PCDHGB5: variants seen among roughly 807,000 people sequenced by gnomAD.
PCDHGB5 encodes the protein protocadherin gamma-B5.
Under a neutral mutation model 62.9 loss-of-function variants are expected in PCDHGB5, and 48 were observed. That is an observed-to-expected ratio of 0.76 (90% CI 0.61 to 0.97). The LOEUF is 0.97. PCDHGB5 is among the 50% of genes least tolerant of loss of function. The probability of loss-of-function intolerance (pLI) is 0.00; values close to 1 mark genes in which losing one functional copy is unlikely to be tolerated. For synonymous variants in PCDHGB5, 474 were observed against 511.2 expected, an observed-to-expected ratio of 0.93 and a Z score of 0.98; for missense variants, 1,118 against 1,198.6, an observed-to-expected ratio of 0.93 and a Z score of 0.99.
At chr5:141,456,574 T>G (rs373414652) in intron 1 of PCDHGB5, among the ~76,000 whole-genome samples, 3 of 152,198 alleles carry the variant, frequency 2.0e-5, no homozygotes, top group South Asian at 4.1e-4. Flanking sequence ...ACATTTTCCC[T>G]GAGCCTGTCA....
chr5:141,410,252 C>A, intron 1 of PCDHGB5: 2 of 1,613,998 alleles, frequency 1.2e-6, no homozygotes. Context: ...ACTCTCTGAC[C>A]CCCAGGCTGA....
Position 141,512,040 on chromosome 5 carries a change from A to G in PCDHGB5, c.*867A>G, listed in dbSNP as rs775766584. 1.3e-5 allele frequency: 2 copies of G among 152,838 alleles called. No homozygotes were observed. The highest frequency in any genetic ancestry group is 2.9e-5 in the Non-Finnish European group (2 of 68,198). 9.5% of individuals were successfully genotyped at this position (152,838 alleles called of 1,614,324 possible). A position where few individuals can be genotyped will look rare whatever the true frequency, so the allele number is the denominator to read the frequency against. ...ATCAAGGCCTTGGAGGAGGCTCTGT[A>G]TGTCCTCAGGGGACTGACAACATCC... On this transcript the variant is annotated 3_prime_UTR_variant, in exon 4 of 4. Coordinates refer to ENST00000617380, the MANE Select transcript of PCDHGB5 (RefSeq NM_018925.3).
chr5:141,414,429 G>A (rs1372056104), intron 1 of PCDHGB5: 1 of 1,613,860 alleles, frequency 6.2e-7, no homozygotes, highest in Non-Finnish European at 8.5e-7. Flanking sequence ...ACAGGGAACA[G>A]GTATCCTCTT....
rs953182246 is a variant in PCDHGB5, at chr5:141,511,757, C to T, written c.*584C>T. ...CTCAAGTTTTGGAGGACATGATCAC[C>T]ATCCCCATGGTACTGATGCTTGCTG... is the stretch of plus-strand genomic sequence containing the variant. On this transcript the variant is annotated 3_prime_UTR_variant, in exon 4 of 4. Coordinates refer to ENST00000617380, the MANE Select transcript of PCDHGB5 (RefSeq NM_018925.3). The T allele has an allele frequency of 6.9e-5, 12 of 174,122 alleles. No individual in the cohort carries two copies. The highest frequency in any genetic ancestry group is 2.8e-4 in the African/African-American group (12 of 42,412). The allele number at this position is 174,122 out of a possible 1,614,324, so 10.8% of individuals were successfully genotyped here.
intron 2 of PCDHGB5, among the ~76,000 whole-genome samples, chr5:141,501,287 TTA>T (rs1491235092): frequency 6.2e-5 from 6 of 96,980 alleles, no homozygotes; most frequent in African/African-American, 2.5e-4. Context: ...GGATATTCCC[TTA>T]TACACACACA....
At chr5:141,474,847 GC>G (rs1357496937) in intron 1 of PCDHGB5, among the ~76,000 whole-genome samples, 1 of 152,198 alleles carries the variant, frequency 6.6e-6, no homozygotes, top group East Asian at 1.9e-4. Context: ...CACTTTACCT[GC>G]CTTCTTCATT....
At chr5:141,414,043 G>A in intron 1 of PCDHGB5, 1 of 1,611,348 alleles carries the variant, frequency 6.2e-7, no homozygotes, top group Non-Finnish European at 8.5e-7. Context: ...AAAATTACCT[G>A]ACACGCAATT....
At chr5:141,410,787 T>C in intron 1 of PCDHGB5, 2 of 844,672 alleles carry the variant, frequency 2.4e-6, no homozygotes, top group South Asian at 4.4e-5. Flanking sequence ...TGTATTTGGT[T>C]CATAAGTTGC....
chr5:141,482,205 C>A (rs1478729653), intron 1 of PCDHGB5, among the ~76,000 whole-genome samples: 1 of 151,896 alleles, frequency 6.6e-6, no homozygotes, highest in Non-Finnish European at 1.5e-5. Context: ...TAAAACAGAC[C>A]AGGTACTTGT....
Position 141,408,693 on chromosome 5 carries a change from TAAACTC to T in PCDHGB5, c.2397+8172_2397+8177del, listed in dbSNP as rs1561714743. 1.9e-6 allele frequency: 3 copies of T among 1,613,768 alleles called. No homozygotes were observed. In the African/African-American group the frequency reaches 4.0e-5, roughly 22 times the overall value. On this transcript the variant is annotated intron_variant, in intron 1 of 3. Coordinates refer to ENST00000617380, the MANE Select transcript of PCDHGB5 (RefSeq NM_018925.3). The stretch of plus-strand genomic sequence containing the variant: ...CCTGCCACGGATCCTGATATAAACA[TAAACTC>T]AATTAAAGATTATAAGATAAACTCT...
chr5:141,416,791 G>C (rs1389798483), intron 1 of PCDHGB5: 1 of 152,166 alleles, frequency 6.6e-6, no homozygotes, highest in Non-Finnish European at 1.5e-5. Flanking sequence ...TCTACTAAAT[G>C]TGGTAGTATA....
Position 141,418,614 on chromosome 5 carries a change from G to A in PCDHGB5, c.2397+18090G>A, listed in dbSNP as rs777074200. ...CAGGACGTGTACAGGGTTAGCCTTC[G>A]GGAAGACGTGCCTCCAGGCACCTCC... is the stretch of plus-strand genomic sequence containing the variant. On this transcript the variant is annotated intron_variant, in intron 1 of 3. Transcript: ENST00000617380. The A allele has an allele frequency of 5.0e-6, 8 of 1,613,876 alleles. No homozygotes were observed. In the East Asian group the frequency reaches 1.1e-4, roughly 22 times the overall value.
intron 1 of PCDHGB5, chr5:141,410,799 C>A: frequency 1.8e-6 from 1 of 560,610 alleles, no homozygotes; most frequent in Non-Finnish European, 2.6e-6. Flanking sequence ...ATAAGTTGCT[C>A]TATCTTTTTG....
At chr5:141,415,024 G>C in intron 1 of PCDHGB5, 1 of 1,613,568 alleles carries the variant, frequency 6.2e-7, no homozygotes, top group Non-Finnish European at 8.5e-7. Flanking sequence ...CAAGGCCAGC[G>C]AGCCGGGACT....
Position 141,398,149 on chromosome 5 carries a change from C to T in PCDHGB5, c.22C>T (p.Leu8=), listed in dbSNP as rs761559295. The change falls in exon 1 of 4, where the codon CTG becomes TTG. Residue 8 remains leucine (L), a synonymous_variant. Coordinates refer to ENST00000617380, the MANE Select transcript of PCDHGB5 (RefSeq NM_018925.3). The part of the protein sequence containing the change: MGSGAGE[L]GRAERLPVLF... The stretch of plus-strand genomic sequence containing the variant: ...AGGGATGGGGAGCGGCGCCGGGGAG[C>T]TGGGCCGGGCTGAGAGGCTGCCAGT... The T allele has an allele frequency of 1.9e-5, 29 of 1,497,086 alleles. No homozygotes were observed. Among genetic ancestry groups the T allele is most frequent in the Non-Finnish European group, 2.6e-5 (29 of 1,128,762 alleles). The allele number at this position is 1,497,086 out of a possible 1,614,324, so 92.7% of individuals were successfully genotyped here.
chr5:141,407,169 G>A (rs946090447), intron 1 of PCDHGB5, among the ~76,000 whole-genome samples: 3 of 152,146 alleles, frequency 2.0e-5, no homozygotes, highest in Non-Finnish European at 4.4e-5. Flanking sequence ...AATCCTTTAT[G>A]ACATACAGAC....
intron 1 of PCDHGB5, among the ~76,000 whole-genome samples, chr5:141,457,926 GGGCTTTTATT>G (rs1398565105): frequency 6.6e-6 from 1 of 151,120 alleles, no homozygotes; most frequent in Non-Finnish European, 1.5e-5. Context: ...TCTCCCCAAG[GGGCTTTTATT>G]GGCTCTGCAT....
chr5:141,410,517 C>A, intron 1 of PCDHGB5: 1 of 1,613,926 alleles, frequency 6.2e-7, no homozygotes, highest in Non-Finnish European at 8.5e-7. Context: ...TGCAGTGTGC[C>A]CCTACATTCC....
chr5:141,412,963 G>A (rs1387713187), intron 1 of PCDHGB5: 2 of 518,110 alleles, frequency 3.9e-6, no homozygotes, highest in South Asian at 3.3e-5. Context: ...TCACCTACTA[G>A]GAGAGAAAAC....
Sources: allele counts gnomAD v4.1 joint callset (sites outside exome capture counted in the v4.1 genomes callset), GRCh38; gene constraint gnomAD v4.1.1; transcripts MANE v1.5; gene names NCBI Gene and HGNC (gene_info 2026-07-23, HGNC 2026-07-21).